The following ELP4 variants were observed in gnomAD, a reference collection of about 807,000 sequenced individuals.
ELP4 encodes elongator complex protein 4.
In ELP4, 51 loss-of-function variants were observed where a neutral mutation model predicts 48.9. The ratio of observed to expected loss-of-function variants is 1.04; its 90% CI spans 0.83 to 1.32. ELP4 has a LOEUF of 1.32. Ranked by LOEUF, ELP4 falls within the 40% of genes most tolerant of loss-of-function variation. ELP4 has a pLI of 0.00. For missense variants in ELP4, 519 were observed against 514.6 expected, an observed-to-expected ratio of 1.01 and a Z score of -0.08; for synonymous variants, 210 against 189.2, an observed-to-expected ratio of 1.11 and a Z score of -0.90.
chr11:31,742,645 A>C (rs909847703), intron 9 of ELP4, among the ~76,000 whole-genome samples: 1 of 152,214 alleles, frequency 6.6e-6, no homozygotes, highest in Non-Finnish European at 1.5e-5. Context: ...ATATCCAGCT[A>C]AACTAAGCTT....
intron 9 of ELP4, among the ~76,000 whole-genome samples, chr11:31,655,268 A>G (rs1407175988): frequency 1.3e-5 from 2 of 152,112 alleles, no homozygotes; most frequent in South Asian, 2.1e-4. Flanking sequence ...TATATTTCAC[A>G]TGCCATAGTT....
intron 9 of ELP4, among the ~76,000 whole-genome samples, chr11:31,667,926 T>C (rs1335822926): frequency 6.6e-6 from 1 of 152,208 alleles, no homozygotes; most frequent in Non-Finnish European, 1.5e-5. Flanking sequence ...CAACTAATTA[T>C]CTGATCATTA....
At chr11:31,614,127 G>T (rs546743518) in intron 5 of ELP4, among the ~76,000 whole-genome samples, 138 of 152,170 alleles carry the variant, frequency 9.1e-4, no homozygotes, top group South Asian at 3.7e-3. Flanking sequence ...TATTTCCATA[G>T]AGTTAAAGAG....
chr11:31,629,099 T>A (rs1206469807), intron 6 of ELP4, among the ~76,000 whole-genome samples: 1 of 152,096 alleles, frequency 6.6e-6, no homozygotes, highest in Non-Finnish European at 1.5e-5. Flanking sequence ...TAAAGTAGTG[T>A]AGCTCATCTG....
chr11:31,664,652 T>C (rs1945633947), intron 9 of ELP4, among the ~76,000 whole-genome samples: 1 of 152,120 alleles, frequency 6.6e-6, no homozygotes, highest in African/African-American at 2.4e-5. Flanking sequence ...ATTTGAATAT[T>C]AAAATAGTCC....
At chr11:31,702,069 C>T (rs1381902101) in intron 9 of ELP4, among the ~76,000 whole-genome samples, 2 of 151,930 alleles carry the variant, frequency 1.3e-5, no homozygotes, top group East Asian at 1.9e-4. Context: ...TTTTTAGTCT[C>T]CTATAATTGT....
At chr11:31,728,557 T>C (rs1358636963) in intron 9 of ELP4, among the ~76,000 whole-genome samples, 1 of 152,214 alleles carries the variant, frequency 6.6e-6, no homozygotes, top group African/African-American at 2.4e-5. Flanking sequence ...TTCCTGCCTG[T>C]ATCTATATAG....
chr11:31,524,333 G>T (rs1398440994), intron 2 of ELP4, among the ~76,000 whole-genome samples: 1 of 152,214 alleles, frequency 6.6e-6, no homozygotes. Context: ...TTTCAAGCTC[G>T]TGGTTGTTTA....
chr11:31,625,535 T>C (rs1430680112), intron 5 of ELP4, among the ~76,000 whole-genome samples: 2 of 151,714 alleles, frequency 1.3e-5, no homozygotes, highest in Non-Finnish European at 2.9e-5. Context: ...TTATGGCAAA[T>C]GAAATAAGCC....
At chr11:31,782,047 C>T (rs939943049) in intron 9 of ELP4, among the ~76,000 whole-genome samples, 1 of 152,186 alleles carries the variant, frequency 6.6e-6, no homozygotes, top group African/African-American at 2.4e-5. Context: ...GTTAACCTTT[C>T]TGACATCTTC....
At chr11:31,770,294 T>C (rs1948112084) in intron 9 of ELP4, among the ~76,000 whole-genome samples, 2 of 151,982 alleles carry the variant, frequency 1.3e-5, no homozygotes, top group African/African-American at 4.8e-5. Context: ...AGGGAGTCAG[T>C]TGGGGAGATA....
rs1311108956 is a variant in ELP4, at chr11:31,571,051, GCCTCC to G, written c.382-23717_382-23713del. 2.0e-5 allele frequency among the ~76,000 whole-genome samples: 3 copies of G among 152,082 alleles called. No individual in the cohort carries two copies. In the South Asian group the frequency reaches 6.2e-4, roughly 32 times the overall value. ...CTGACCTCATGTTCTACCTGTCTCGGCCTCCCAAAGTGCTGGGATTTCAGGCGTAA... is the reference window on the plus strand; with the variant it reads ...CTGACCTCATGTTCTACCTGTCTCGGCAAAGTGCTGGGATTTCAGGCGTAA... On this transcript the variant is annotated intron_variant, in intron 3 of 9. Transcript: ENST00000640961.
chr11:31,518,934 C>G (rs986598718), intron 1 of ELP4, among the ~76,000 whole-genome samples: 1 of 151,402 alleles, frequency 6.6e-6, no homozygotes, highest in African/African-American at 2.4e-5. Flanking sequence ...TTCTCAGCCT[C>G]CTGAGTAGCT....
chr11:31,668,376 A>G (rs1259032903), intron 9 of ELP4, among the ~76,000 whole-genome samples: 2 of 152,106 alleles, frequency 1.3e-5, no homozygotes, highest in South Asian at 2.1e-4. Context: ...ACTTTTTTAC[A>G]CTGCTCCTGT....
Position 31,768,216 on chromosome 11 carries a change from A to G in ELP4, c.1144-15177A>G, listed in dbSNP as rs144566103. Among the ~76,000 whole-genome samples the G allele has an allele frequency of 8.3e-3, 1,267 of 152,328 alleles. 7 individuals are homozygous for G. The highest frequency in any genetic ancestry group is 0.013 in the Non-Finnish European group (873 of 68,032). On this transcript the variant is annotated intron_variant, in intron 9 of 9. Coordinates refer to ENST00000640961, the MANE Select transcript of ELP4 (RefSeq NM_019040.5). ...GTATTCATGACAATATTGTTATGCT[A>G]TATACTTACACTTAAATATATAAAT...
intron 9 of ELP4, among the ~76,000 whole-genome samples, chr11:31,674,080 G>A (rs972801916): frequency 6.6e-6 from 1 of 152,148 alleles, no homozygotes; most frequent in Non-Finnish European, 1.5e-5. Context: ...GACCTTTGGA[G>A]GTATCTTTCG....
intron 3 of ELP4, among the ~76,000 whole-genome samples, chr11:31,586,793 C>A (rs1957481975): frequency 6.6e-6 from 1 of 152,024 alleles, no homozygotes; most frequent in South Asian, 2.1e-4. Flanking sequence ...CAGGCACCGG[C>A]CACCACGCCC....
chr11:31,581,327 C>G (rs1957388428), intron 3 of ELP4, among the ~76,000 whole-genome samples: 2 of 152,120 alleles, frequency 1.3e-5, no homozygotes, highest in Non-Finnish European at 2.9e-5. Flanking sequence ...TGTTTTGGTG[C>G]TATACATTGT....
rs56921821 is a variant in ELP4 at position 31,553,725 on chromosome 11, AACACACACACACACAC to A, written c.381+13967_381+13982del. 5.7e-5 allele frequency among the ~76,000 whole-genome samples: 8 copies of A among 140,404 alleles called. No individual in the cohort carries two copies. In the East Asian group the frequency reaches 6.1e-4, roughly 11 times the overall value. The allele number at this position is 140,404 out of a possible 152,430, so 92.1% of individuals were successfully genotyped here. On this transcript the variant is annotated intron_variant, in intron 3 of 9. Transcript: ENST00000640961. ...TACAATAAATCTCTTTGCACACACA[AACACACACACACACAC>A]ACACACACACACACACACACACACC...
Sources: gnomAD v4.1 joint callset for allele counts (sites outside exome capture counted in the v4.1 genomes callset) on GRCh38, gnomAD v4.1.1 for gene constraint, MANE v1.5 for transcripts, NCBI Gene and HGNC (gene_info 2026-07-23, HGNC 2026-07-21) for gene names.